The following USP45 variants were observed in gnomAD, a reference collection of about 807,000 sequenced individuals.
USP45 encodes ubiquitin specific peptidase 45, also known as ubiquitin carboxyl-terminal hydrolase 45.
USP45 carries 89 observed loss-of-function variants against 95.8 expected under a neutral mutation model. The ratio of observed to expected loss-of-function variants is 0.93; its 90% CI spans 0.78 to 1.11. The LOEUF (loss-of-function observed/expected upper bound fraction) is 1.11, where lower values mean the gene tolerates loss of function less well. Ranked by LOEUF, USP45 falls within the 50% of genes least tolerant of loss-of-function variation. The probability of loss-of-function intolerance (pLI) is 0.00; values close to 1 mark genes in which losing one functional copy is unlikely to be tolerated. For missense variants in USP45, 898 were observed against 942.5 expected (o/e 0.95, Z 0.62); for synonymous variants, 281 against 316.2 (o/e 0.89, Z 1.18).
At chr6:99,467,949 T>G (rs1444055366) in intron 10 of USP45, among the ~76,000 whole-genome samples, 2 of 152,092 alleles carry the variant, frequency 1.3e-5, no homozygotes, top group Non-Finnish European at 2.9e-5. Context: ...CAATGCAGAA[T>G]ATACATTTAG....
chr6:99,440,961 A>C (rs777060910), intron 15 of USP45, among the ~76,000 whole-genome samples: 1 of 152,188 alleles, frequency 6.6e-6, no homozygotes, highest in South Asian at 2.1e-4. Flanking sequence ...GAAGGACTTT[A>C]ATATAAGATG....
At position 99,458,194 on chromosome 6, in the gene USP45, C is replaced by T. The variant is rs182785562; in HGVS notation, c.1308+6410G>A. Reference sequence around the variant, plus strand: ...GCCACCATGACCGGCTAATTTTTTGCATTTTTAGTAGAGATAAGGTTTCAC... The same window carrying T: ...GCCACCATGACCGGCTAATTTTTTGTATTTTTAGTAGAGATAAGGTTTCAC... On this transcript the variant is annotated intron_variant, in intron 13 of 17. Transcript: ENST00000500704. Among the ~76,000 whole-genome samples the T allele has an allele frequency of 1.2e-3, 178 of 152,096 alleles. 2 individuals carry two copies. The highest frequency in any genetic ancestry group is 4.2e-3 in the African/African-American group (174 of 41,508).
At chr6:99,510,743 T>C (rs774958234) in intron 1 of USP45, among the ~76,000 whole-genome samples, 13 of 152,200 alleles carry the variant, frequency 8.5e-5, no homozygotes, top group Non-Finnish European at 1.6e-4. Context: ...AATAAGTCTG[T>C]GTTGTTTAAA....
Position 99,503,882 on chromosome 6 carries a change from TTTAAGAAAATA to T in USP45, c.378-28_378-18del. 6.8e-7 allele frequency: 1 copy of T among 1,468,302 alleles called. No individual in the cohort carries two copies. Among genetic ancestry groups the T allele is most frequent in the South Asian group, 1.3e-5 (1 of 75,596 alleles). 91.0% of individuals were successfully genotyped at this position (1,468,302 alleles called of 1,614,324 possible). On this transcript the variant is annotated intron_variant, in intron 4 of 17. Coordinates refer to ENST00000500704, the MANE Select transcript of USP45 (RefSeq NM_001346022.3). Reference sequence around the variant, plus strand: ...TCATAACACCTGAAAAAGTATAAAATTTAAGAAAATATTATGAAAATATTCTCAATAATTTT... The same window carrying T: ...TCATAACACCTGAAAAAGTATAAAATTTATGAAAATATTCTCAATAATTTT...
chr6:99,510,627 G>A (rs115485083), intron 1 of USP45, among the ~76,000 whole-genome samples: 82 of 152,180 alleles, frequency 5.4e-4, no homozygotes, highest in African/African-American at 1.9e-3. Flanking sequence ...TCCACATGAG[G>A]ATATACGAGA....
At chr6:99,437,116 CAATT>C (rs878933138) in intron 17 of USP45, 126 bp downstream of exon 17, 160 of 994,544 alleles carry the variant, frequency 1.6e-4, no homozygotes, top group East Asian at 2.1e-4. Context: ...ATCAATCAAT[CAATT>C]AAGTTAAAAT....
rs769397660 is a variant in USP45 at position 99,503,690 on chromosome 6, T to C, written c.478+75A>G. On this transcript the variant is annotated intron_variant, in intron 5 of 17. Coordinates refer to ENST00000500704, the MANE Select transcript of USP45 (RefSeq NM_001346022.3). ...GGCTGTCACAGTAAAATCTAAAGTA[T>C]TCTTTATGAATTTATGAACTCTATA... 120 of 1,015,214 alleles carry C rather than the reference T, an allele frequency of 1.2e-4. No homozygotes were observed. The Middle Eastern group carries it at 2.4e-3, about 20-fold the overall frequency. 62.9% of individuals were successfully genotyped at this position (1,015,214 alleles called of 1,614,324 possible). A position where few individuals can be genotyped will look rare whatever the true frequency, so the allele number is the denominator to read the frequency against.
intron 13 of USP45, chr6:99,462,193 ATAT>A (rs1242964549): frequency 1.5e-5 from 15 of 976,564 alleles, no homozygotes; most frequent in Non-Finnish European, 1.8e-5. Flanking sequence ...GTAACAAAAA[ATAT>A]TATATGAAAA....
intron 13 of USP45, among the ~76,000 whole-genome samples, chr6:99,447,943 G>A (rs1782912247): frequency 6.6e-6 from 1 of 152,236 alleles, no homozygotes; most frequent in African/African-American, 2.4e-5. Context: ...AGGGCCTGGA[G>A]TGGACCTCCA....
upstream of USP45, among the ~76,000 whole-genome samples, chr6:99,516,236 C>T (rs1025664239): frequency 6.6e-6 from 1 of 152,220 alleles, no homozygotes; most frequent in South Asian, 2.1e-4. Flanking sequence ...CTCCTCAAAG[C>T]CCGGTTATCT....
At chr6:99,492,912 T>C (rs561578371) in intron 5 of USP45, among the ~76,000 whole-genome samples, 1 of 152,374 alleles carries the variant, frequency 6.6e-6, no homozygotes, top group East Asian at 1.9e-4. Context: ...CAATGCCCTT[T>C]GTGTATCAGG....
In USP45 at chr6:99,499,128, T is replaced by C. The variant is rs184607662; in HGVS notation, c.478+4637A>G. Among the ~76,000 whole-genome samples, 42 of 152,228 alleles carry C rather than the reference T, an allele frequency of 2.8e-4. 1 individual carries two copies. In the East Asian group the frequency reaches 5.6e-3, roughly 20 times the overall value. ...GTAAAGGAATAAAGAAACAAAAGAA[T>C]TAATGACATGCTTTAAAGAGAAAGA... is the stretch of plus-strand genomic sequence containing the variant. On this transcript the variant is annotated intron_variant, in intron 5 of 17. Coordinates refer to ENST00000500704, the MANE Select transcript of USP45 (RefSeq NM_001346022.3).
chr6:99,459,713 G>C (rs1052589691), intron 13 of USP45, among the ~76,000 whole-genome samples: 1 of 152,068 alleles, frequency 6.6e-6, no homozygotes, highest in East Asian at 1.9e-4. Context: ...CTTTTGATTT[G>C]CATTTCCCTA....
In USP45 at chr6:99,449,982, T is replaced by C. The variant is rs541570516; in HGVS notation, c.1309-3519A>G. 6.4e-4 allele frequency among the ~76,000 whole-genome samples: 98 copies of C among 152,136 alleles called. 1 individual carries two copies. Among genetic ancestry groups the C allele is most frequent in the African/African-American group, 2.2e-3 (90 of 41,488 alleles). On this transcript the variant is annotated intron_variant, in intron 13 of 17. Transcript: ENST00000500704. Reference sequence around the variant, plus strand: ...AAATAAAGATGCTCTTTGAAACCAATGAGAACAAAGACACAACATACCAGA... The same window carrying C: ...AAATAAAGATGCTCTTTGAAACCAACGAGAACAAAGACACAACATACCAGA...
chr6:99,477,768 A>C (rs988528925), intron 8 of USP45, among the ~76,000 whole-genome samples: 1 of 152,330 alleles, frequency 6.6e-6, no homozygotes, highest in African/African-American at 2.4e-5. Flanking sequence ...GCTAACTAGC[A>C]GCACATAGCA....
intron 8 of USP45, among the ~76,000 whole-genome samples, chr6:99,476,559 G>A (rs1790920603): frequency 6.6e-6 from 1 of 152,206 alleles, no homozygotes; most frequent in East Asian, 1.9e-4. Context: ...AGTGTGCACT[G>A]AGAATATGGC....
intron 13 of USP45, among the ~76,000 whole-genome samples, chr6:99,447,906 GCCT>G (rs1157992081): frequency 1.3e-5 from 2 of 152,192 alleles, no homozygotes; most frequent in African/African-American, 4.8e-5. Context: ...CTGTTCTGCA[GCCT>G]CCGCTGCTGA....
chr6:99,492,841 G>A (rs1339831436), intron 5 of USP45, among the ~76,000 whole-genome samples: 1 of 152,126 alleles, frequency 6.6e-6, no homozygotes, highest in African/African-American at 2.4e-5. Flanking sequence ...AAATAAAAGT[G>A]TAAGTCTTAA....
intron 17 of USP45, among the ~76,000 whole-genome samples, chr6:99,436,069 G>A (rs940507132): frequency 2.6e-5 from 4 of 151,226 alleles, no homozygotes; most frequent in African/African-American, 9.7e-5. Flanking sequence ...TTGTTACATA[G>A]GTATACATGT....
Sources: allele counts gnomAD v4.1 joint callset (sites outside exome capture counted in the v4.1 genomes callset), GRCh38; gene constraint gnomAD v4.1.1; transcripts MANE v1.5; gene names NCBI Gene and HGNC (gene_info 2026-07-23, HGNC 2026-07-21).